ABCB5: variants seen among roughly 807,000 people sequenced by gnomAD.
ABCB5 encodes the protein ATP-binding cassette sub-family B member 5.
Under a neutral mutation model 144.2 loss-of-function variants are expected in ABCB5, and 155 were observed. The observed-to-expected ratio is 1.08, with a 90% CI of 0.94 to 1.23. ABCB5 has a LOEUF of 1.23. Among genes scored for constraint, ABCB5 ranks in the 50% most tolerant of loss-of-function variants. The pLI is 0.00. For synonymous variants in ABCB5, 610 were observed against 528.6 expected (o/e 1.15, Z -2.11); for missense variants, 1,830 against 1,520.8 (o/e 1.20, Z -3.38).
chr7:20,662,329 G>A (rs7792001), intron 14 of ABCB5, among the ~76,000 whole-genome samples: 4 of 152,172 alleles, frequency 2.6e-5, no homozygotes, highest in Admixed American at 1.3e-4. Context: ...GGTCTTCCTC[G>A]GAGACCTCTT....
At chr7:20,685,424 A>G (rs1785962974) in intron 15 of ABCB5, among the ~76,000 whole-genome samples, 1 of 152,210 alleles carries the variant, frequency 6.6e-6, no homozygotes, top group Non-Finnish European at 1.5e-5. Flanking sequence ...TGTTAGTGAT[A>G]TAATTGCTTG....
At chr7:20,691,168 CTTTTTTTTTTTTTTTTTT>C (rs58696871) in intron 16 of ABCB5, among the ~76,000 whole-genome samples, 4 of 46,080 alleles carry the variant, frequency 8.7e-5, no homozygotes, top group East Asian at 1.9e-3. Flanking sequence ...ACCCAGTGGA[CTTTTTTTTTTTTTTTTTT>C]TTTTTTTTTT....
chr7:20,753,417 A>G lies in ABCB5; in HGVS notation c.3487A>G (p.Arg1163Gly), dbSNP rs1239797400. Residue 1163 changes from arginine to glycine, a missense_variant, in exon 27 of 28, where the codon AGA (arginine) becomes GGA (glycine). Coordinates refer to ENST00000404938, the MANE Select transcript of ABCB5 (RefSeq NM_001163941.2). Reference protein sequence around the residue: ...GAQLSGGQKQRLAIARALLQK... With the variant: ...GAQLSGGQKQGLAIARALLQK... ...ACAGCTTTCTGGCGGCCAGAAACAA[A>G]GACTAGCTATTGCAAGGGCTCTTCT... 6 of 1,614,204 alleles carry G rather than the reference A, an allele frequency of 3.7e-6. No homozygotes were observed. In the Admixed American group the frequency reaches 1.0e-4, roughly 27 times the overall value.
chr7:20,729,136 C>T (rs998198785), intron 23 of ABCB5, among the ~76,000 whole-genome samples: 8 of 152,024 alleles, frequency 5.3e-5, no homozygotes, highest in South Asian at 2.1e-4. Flanking sequence ...ATGATTAAAT[C>T]GAGCTAAGTG....
intron 14 of ABCB5, 70 bp from the exon 15 acceptor site, chr7:20,681,434 AT>A: frequency 6.5e-7 from 1 of 1,529,766 alleles, no homozygotes; most frequent in South Asian, 1.3e-5. Flanking sequence ...GTCAACAAAG[AT>A]TTCTTAAACA....
At position 20,727,191 on chromosome 7, in the gene ABCB5, G is replaced by A. The variant is rs752936874; in HGVS notation, c.2726+51G>A. ...AAAAACTTAATTTTGTTCTGTAAAG[G>A]CAGTACTCTCAAATGACTCCAGTGG... On this transcript the variant is annotated intron_variant, in intron 22 of 27. Coordinates refer to ENST00000404938, the MANE Select transcript of ABCB5 (RefSeq NM_001163941.2). 10 of 1,380,584 alleles carry A rather than the reference G, an allele frequency of 7.2e-6. 1 individual carries two copies. In the South Asian group the frequency reaches 1.1e-4, roughly 15 times the overall value. 85.5% of individuals were successfully genotyped at this position (1,380,584 alleles called of 1,614,324 possible). A position where few individuals can be genotyped will look rare whatever the true frequency, so the allele number is the denominator to read the frequency against.
chr7:20,705,165 A>G (rs2128044615), intron 20 of ABCB5, among the ~76,000 whole-genome samples: 1 of 152,332 alleles, frequency 6.6e-6, no homozygotes, highest in South Asian at 2.1e-4. Context: ...AAAAAGGTTT[A>G]GTTTTTCCTT....
At chr7:20,633,543 A>G (rs756908288) in intron 5 of ABCB5, among the ~76,000 whole-genome samples, 112 of 152,180 alleles carry the variant, frequency 7.4e-4, no homozygotes, top group Admixed American at 6.6e-4. Context: ...TGTAATACAT[A>G]TAACGTATAG....
intron 1 of ABCB5, among the ~76,000 whole-genome samples, chr7:20,622,931 A>G (rs1257980628): frequency 6.6e-6 from 1 of 152,156 alleles, no homozygotes; most frequent in Non-Finnish European, 1.5e-5. Flanking sequence ...AATTCCAGTC[A>G]AATGAATGGC....
chr7:20,718,770 T>C (rs1179142369), intron 20 of ABCB5, among the ~76,000 whole-genome samples: 1 of 152,192 alleles, frequency 6.6e-6, no homozygotes, highest in Non-Finnish European at 1.5e-5. Flanking sequence ...CAGAGGTTTA[T>C]AACCTGTTAC....
chr7:20,635,285 A>G (rs1291783321), intron 5 of ABCB5, among the ~76,000 whole-genome samples: 1 of 151,624 alleles, frequency 6.6e-6, no homozygotes, highest in African/African-American at 2.4e-5. Context: ...TACCAGTACC[A>G]TGATATTTTC....
At chr7:20,727,553 G>A (rs975706551) in intron 22 of ABCB5, among the ~76,000 whole-genome samples, 2 of 152,144 alleles carry the variant, frequency 1.3e-5, no homozygotes, top group Non-Finnish European at 2.9e-5. Flanking sequence ...TGGACAACAT[G>A]ATGAAACCCC....
At position 20,628,765 on chromosome 7, in the gene ABCB5, T is replaced by G; in HGVS notation, c.186T>G (p.Leu62=). ...ILASLVNGAC[L]PLMPLVLGEM... The stretch of plus-strand genomic sequence containing the variant: ...CATCACTGGTCAATGGAGCCTGCCT[T>G]CCTTTAATGCCACTGGTTTTAGGAG... Residue 62 remains leucine (L), a synonymous_variant, in exon 4 of 28, where the codon CTT becomes CTG. Coordinates refer to ENST00000404938, the MANE Select transcript of ABCB5 (RefSeq NM_001163941.2). 1 of 1,613,744 alleles carries G rather than the reference T, an allele frequency of 6.2e-7. No individual in the cohort carries two copies. Among genetic ancestry groups the G allele is most frequent in the East Asian group, 2.2e-5 (1 of 44,870 alleles).
Position 20,723,069 on chromosome 7 carries a change from T to G in ABCB5, c.2475T>G (p.Leu825=), listed in dbSNP as rs1292543398. ...VLTQNATNMG[L]SVIISFIYGW... ...CACAAAATGCAACTAACATGGGACT[T>G]TCAGTTATCATTTCCTTTATATATG... Residue 825 remains leucine, a synonymous_variant, in exon 21 of 28, where the codon CTT becomes CTG. Transcript: ENST00000404938. 1.9e-6 allele frequency: 3 copies of G among 1,614,154 alleles called. No homozygotes were observed. The East Asian group carries it at 6.7e-5, about 36-fold the overall frequency.
At chr7:20,725,376 C>T (rs919569185) in intron 21 of ABCB5, among the ~76,000 whole-genome samples, 4 of 152,176 alleles carry the variant, frequency 2.6e-5, no homozygotes, top group Non-Finnish European at 5.9e-5. Context: ...GTCAGGAGTT[C>T]GAGACCAGCC....
At chr7:20,750,737 G>A (rs1782897837) in intron 26 of ABCB5, among the ~76,000 whole-genome samples, 2 of 152,156 alleles carry the variant, frequency 1.3e-5, no homozygotes, top group South Asian at 2.1e-4. Context: ...GTAAGGGAGT[G>A]TGGATCTGTG....
intron 26 of ABCB5, 134 bp downstream of exon 26, chr7:20,745,572 A>G (rs773820839): frequency 5.1e-5 from 47 of 928,194 alleles, no homozygotes; most frequent in Admixed American, 1.7e-4. Context: ...AGTTAGATGT[A>G]AAACATGAAG....
intron 2 of ABCB5, among the ~76,000 whole-genome samples, chr7:20,624,590 GC>G (rs1297548916): frequency 1.3e-5 from 2 of 152,162 alleles, no homozygotes; most frequent in African/African-American, 4.8e-5. Context: ...GGTTGGATGG[GC>G]CCTGAAAAGT....
At chr7:20,666,869 C>A in intron 14 of ABCB5, 2 of 1,367,334 alleles carry the variant, frequency 1.5e-6, no homozygotes, top group Non-Finnish European at 1.9e-6. Context: ...TACACTAATT[C>A]TGGCTAAAAG....
Sources: gnomAD v4.1 joint callset for allele counts (sites outside exome capture counted in the v4.1 genomes callset) on GRCh38, gnomAD v4.1.1 for gene constraint, MANE v1.5 for transcripts, NCBI Gene and HGNC (gene_info 2026-07-23, HGNC 2026-07-21) for gene names.